Variants in ZNF667 observed in about 807,000 individuals in gnomAD.
ZNF667 encodes the protein myocardial ischemic preconditioning upregulated 1 ortholog.
A neutral mutation model predicts 31.8 loss-of-function variants in ZNF667; 13 were observed. That is an observed-to-expected ratio of 0.41 (90% confidence interval 0.27 to 0.65). ZNF667 has a LOEUF of 0.65. ZNF667 is among the 30% of genes least tolerant of loss of function. ZNF667 has a pLI of 0.32. For missense variants in ZNF667, 642 were observed against 725.6 expected (o/e 0.88, Z 1.32); for synonymous variants, 228 against 247.1 (o/e 0.92, Z 0.73).
chr19:56,450,616 T>G (rs185959211), intron 6 of ZNF667, among the ~76,000 whole-genome samples: 59 of 152,298 alleles, frequency 3.9e-4, no homozygotes, highest in Non-Finnish European at 5.4e-4. Context: ...ACTCATATCT[T>G]AAGTAGGAAG....
intron 6 of ZNF667, among the ~76,000 whole-genome samples, chr19:56,450,081 T>C (rs2042789404): frequency 1.3e-5 from 2 of 151,830 alleles, no homozygotes; most frequent in African/African-American, 4.8e-5. Context: ...CAGAGAACTT[T>C]CCAAACCTGG....
intron 4 of ZNF667, among the ~76,000 whole-genome samples, 163 bp from the exon 5 acceptor site, chr19:56,460,978 T>C (rs1253991406): frequency 6.6e-6 from 1 of 152,226 alleles, no homozygotes; most frequent in Non-Finnish European, 1.5e-5. Flanking sequence ...TTAAATAAGT[T>C]AAATAAAATA....
chr19:56,468,211 G>C (rs372346612), intron 3 of ZNF667: 1 of 152,160 alleles, frequency 6.6e-6, no homozygotes, highest in Non-Finnish European at 1.5e-5. Flanking sequence ...TACTAACCAC[G>C]TACCTCCCTC....
chr19:56,470,517 G>C (rs141908131), intron 3 of ZNF667, among the ~76,000 whole-genome samples: 25 of 152,266 alleles, frequency 1.6e-4, no homozygotes, highest in African/African-American at 5.8e-4. Context: ...TTGTCACAGA[G>C]CTTTAACTGA....
upstream of ZNF667, chr19:56,478,004 G>A (rs1300638899): frequency 1.3e-5 from 2 of 152,596 alleles, no homozygotes; most frequent in African/African-American, 4.8e-5. Context: ...GCGGAGGGAT[G>A]TTTCTTTTGG....
chr19:56,449,451 G>A (rs1007315636), intron 6 of ZNF667: 14 of 258,054 alleles, frequency 5.4e-5, no homozygotes, highest in Admixed American at 3.8e-4. Flanking sequence ...CAAGGCGGGC[G>A]GGTGGATCAC....
chr19:56,451,700 C>T (rs2042825776), intron 6 of ZNF667, among the ~76,000 whole-genome samples: 2 of 151,894 alleles, frequency 1.3e-5, no homozygotes, highest in Middle Eastern at 3.4e-3. Context: ...GAAATCCCAT[C>T]TTTAAAAAAA....
chr19:56,469,198 T>C (rs901359801), intron 3 of ZNF667, among the ~76,000 whole-genome samples: 4 of 152,196 alleles, frequency 2.6e-5, no homozygotes, highest in Non-Finnish European at 4.4e-5. Context: ...AAAGGAGCGC[T>C]GAAACATCAG....
chr19:56,453,311 A>G (rs2042871803), intron 6 of ZNF667, among the ~76,000 whole-genome samples: 1 of 152,130 alleles, frequency 6.6e-6, no homozygotes, highest in Non-Finnish European at 1.5e-5. Context: ...CCTAATACCA[A>G]TCCTACTCAA....
chr19:56,448,451 C>T (rs2042750813), intron 6 of ZNF667, among the ~76,000 whole-genome samples: 1 of 152,102 alleles, frequency 6.6e-6, no homozygotes, highest in South Asian at 2.1e-4. Flanking sequence ...CTGTGCTTGG[C>T]TCAGAACCAG....
chr19:56,447,782 G>A (rs1329797481), intron 6 of ZNF667, among the ~76,000 whole-genome samples: 1 of 152,128 alleles, frequency 6.6e-6, no homozygotes, highest in Non-Finnish European at 1.5e-5. Flanking sequence ...TCAGGAGGCT[G>A]GGGCAGGAGA....
chr19:56,464,251 T>C (rs1453934273), intron 3 of ZNF667, among the ~76,000 whole-genome samples: 1 of 152,272 alleles, frequency 6.6e-6, no homozygotes, highest in Non-Finnish European at 1.5e-5. Flanking sequence ...AGCCCAATGC[T>C]TTGAGGCTGA....
intron 6 of ZNF667, among the ~76,000 whole-genome samples, chr19:56,445,974 A>AC (rs201149874): frequency 1.7e-5 from 2 of 120,532 alleles, no homozygotes; most frequent in Non-Finnish European, 3.6e-5. Context: ...ATCACCTCCC[A>AC]CAGACCCCAC....
At chr19:56,455,474 A>G (rs997021404) in intron 6 of ZNF667, among the ~76,000 whole-genome samples, 2 of 152,246 alleles carry the variant, frequency 1.3e-5, no homozygotes, top group African/African-American at 4.8e-5. Context: ...ATCTGCAACA[A>G]CATGGATACA....
rs544987611 is a variant in ZNF667 at position 56,440,308 on chromosome 19, C to G, written c.*854G>C. ...GATAGCTTGTCTCAGCCAAGTTAGA[C>G]GTTCACACCATGAAGATCATATATC... On this transcript the variant is annotated 3_prime_UTR_variant, in exon 7 of 7. Transcript: ENST00000504904. 6.6e-6 allele frequency: 1 copy of G among 152,318 alleles called. No individual in the cohort carries two copies. Among genetic ancestry groups the G allele is most frequent in the African/African-American group, 2.4e-5 (1 of 41,544 alleles). The allele number at this position is 152,318 out of a possible 1,614,324, so 9.4% of individuals were successfully genotyped here.
intron 6 of ZNF667, among the ~76,000 whole-genome samples, chr19:56,450,531 AC>A (rs1284778129): frequency 6.6e-6 from 1 of 152,234 alleles, no homozygotes; most frequent in Non-Finnish European, 1.5e-5. Flanking sequence ...ATCTGAACAT[AC>A]AACACTCACT....
intron 3 of ZNF667, among the ~76,000 whole-genome samples, chr19:56,470,711 G>A (rs2043273955): frequency 6.6e-6 from 1 of 152,180 alleles, no homozygotes; most frequent in South Asian, 2.1e-4. Flanking sequence ...GGGAAAATTT[G>A]AGCATATCAT....
chr19:56,454,480 A>G (rs956829276), intron 6 of ZNF667, among the ~76,000 whole-genome samples: 5 of 152,060 alleles, frequency 3.3e-5, no homozygotes, highest in African/African-American at 7.2e-5. Flanking sequence ...ATAAAAACAG[A>G]CACACAGACC....
chr19:56,462,277 A>G (rs1402205982), intron 4 of ZNF667, 61 bp downstream of exon 4: 15 of 1,602,470 alleles, frequency 9.4e-6, no homozygotes, highest in Non-Finnish European at 1.3e-5. Context: ...AGGAAAGCAA[A>G]TGGTCCACAT....
Sources: allele counts gnomAD v4.1 joint callset (sites outside exome capture counted in the v4.1 genomes callset), GRCh38; gene constraint gnomAD v4.1.1; transcripts MANE v1.5; gene names NCBI Gene and HGNC (gene_info 2026-07-23, HGNC 2026-07-21).